Variants in C4orf17 observed in about 807,000 individuals in gnomAD.
C4orf17 encodes chromosome 4 open reading frame 17.
Under a neutral mutation model 32.0 loss-of-function variants are expected in C4orf17, and 25 were observed. The ratio of observed to expected loss-of-function variants is 0.78; its 90% CI spans 0.57 to 1.09. C4orf17 has a LOEUF of 1.09. Ranked by LOEUF, C4orf17 falls within the 50% of genes least tolerant of loss-of-function variation. The pLI is 0.00. For synonymous variants in C4orf17, 149 were observed against 145.8 expected (o/e 1.02, Z -0.16); for missense variants, 420 against 420.0 (o/e 1.00, Z 0.00).
At chr4:99,513,273 G>A (rs755226784) in intron 2 of C4orf17, 65 bp downstream of exon 2, 26 of 1,590,402 alleles carry the variant, frequency 1.6e-5, no homozygotes, top group Non-Finnish European at 2.1e-5. Flanking sequence ...TGATAATTCT[G>A]GCAGGTAAAC....
intron 3 of C4orf17, among the ~76,000 whole-genome samples, chr4:99,523,931 A>G (rs1208598186): frequency 1.3e-5 from 2 of 151,824 alleles, no homozygotes; most frequent in Non-Finnish European, 2.9e-5. Context: ...TGACATTTAT[A>G]TGGACAGAAA....
rs766907288 is a variant in C4orf17, at chr4:99,542,098, C to A, written c.1069C>A (p.His357Asn). 1.2e-6 allele frequency: 2 copies of A among 1,613,568 alleles called. No individual in the cohort carries two copies. The highest frequency in any genetic ancestry group is 2.2e-5 in the South Asian group (2 of 90,994). Residue 357 changes from histidine to asparagine, a missense_variant, in exon 9 of 9, where the codon CAC (histidine) becomes AAC (asparagine). Coordinates refer to ENST00000326581, the MANE Select transcript of C4orf17 (RefSeq NM_032149.3). Reference sequence around the variant, plus strand: ...CCAAAGAGCATGTTATCCTTCAACACACCGGAGGTAGAAGTTCTAGACTGG... The same window carrying A: ...CCAAAGAGCATGTTATCCTTCAACAAACCGGAGGTAGAAGTTCTAGACTGG... ...CPQRACYPST[H>N]RR is the part of the protein sequence containing the mutation.
intron 2 of C4orf17, among the ~76,000 whole-genome samples, chr4:99,517,223 G>A (rs1723203003): frequency 6.6e-6 from 1 of 152,076 alleles, no homozygotes; most frequent in African/African-American, 2.4e-5. Flanking sequence ...CCAGCACACG[G>A]CAGGTCTCAT....
chr4:99,530,862 T>C (rs938498531), intron 5 of C4orf17, among the ~76,000 whole-genome samples: 6 of 152,144 alleles, frequency 3.9e-5, no homozygotes, highest in Non-Finnish European at 8.8e-5. Flanking sequence ...TATTTCCTGA[T>C]GATTCTGGCT....
rs1442980804 is a variant in C4orf17 at position 99,522,514 on chromosome 4, C to A, written c.142C>A (p.Pro48Thr). ...TACTCACCTAGGCTTGAATAACATT[C>A]CAATCTGTACTGTGAATGATGATGA... ...VCHIKGLNNIPICTVNDDENA... is the reference protein window; with the variant it reads ...VCHIKGLNNITICTVNDDENA... The change falls in exon 3 of 9, where the codon CCA becomes ACA. Residue 48 changes from proline to threonine, a missense_variant. Physicochemically the swap from Pro to Thr is conservative, Grantham distance 38 (BLOSUM62 -1). Coordinates refer to ENST00000326581, the MANE Select transcript of C4orf17 (RefSeq NM_032149.3). 1.2e-6 allele frequency: 2 copies of A among 1,613,320 alleles called. No homozygotes were observed. The highest frequency in any genetic ancestry group is 1.7e-5 in the Admixed American group (1 of 59,990).
intron 2 of C4orf17, among the ~76,000 whole-genome samples, chr4:99,520,985 C>G (rs150235410): frequency 6.6e-6 from 1 of 152,220 alleles, no homozygotes; most frequent in East Asian, 1.9e-4. Context: ...AATGTAAAAT[C>G]ATTTTAACAT....
Position 99,512,999 on chromosome 4 carries a change from C to T in C4orf17, c.-83C>T. ...ATTTTGTGATTTCAGGGTCTGAGCA[C>T]ATCTGGAAGTGAGGTCAATCAAGTT... On this transcript the variant is annotated 5_prime_UTR_variant, in exon 2 of 9. Coordinates refer to ENST00000326581, the MANE Select transcript of C4orf17 (RefSeq NM_032149.3). 2 of 1,458,440 alleles carry T rather than the reference C, an allele frequency of 1.4e-6. No homozygotes were observed. Among genetic ancestry groups the T allele is most frequent in the South Asian group, 2.4e-5 (2 of 84,370 alleles). The allele number at this position is 1,458,440 out of a possible 1,614,324, so 90.3% of individuals were successfully genotyped here.
At chr4:99,525,095 C>T (rs988346456) in intron 4 of C4orf17, among the ~76,000 whole-genome samples, 16 of 152,116 alleles carry the variant, frequency 1.1e-4, no homozygotes, top group Non-Finnish European at 2.9e-5. Context: ...TGTTGAGGGA[C>T]ATTTAGGTCC....
chr4:99,537,866 A>ATC, intron 6 of C4orf17, 116 bp downstream of exon 6: 1 of 770,146 alleles, frequency 1.3e-6, no homozygotes, highest in Non-Finnish European at 2.2e-6. Context: ...TTGCAATATT[A>ATC]TTTCCGCAAT....
intron 5 of C4orf17, among the ~76,000 whole-genome samples, chr4:99,535,342 G>T (rs1353909011): frequency 6.6e-6 from 1 of 151,846 alleles, no homozygotes; most frequent in Admixed American, 6.6e-5. Context: ...TTCCAACTTG[G>T]TTCCATTCTC....
intron 2 of C4orf17, among the ~76,000 whole-genome samples, chr4:99,518,507 A>T (rs1578187392): frequency 5.4e-5 from 4 of 73,996 alleles, no homozygotes; most frequent in African/African-American, 3.4e-4. Context: ...AAAAAAAAAA[A>T]AAAAAAAAAA....
At chr4:99,519,646 C>G (rs906002652) in intron 2 of C4orf17, among the ~76,000 whole-genome samples, 2 of 152,156 alleles carry the variant, frequency 1.3e-5, no homozygotes, top group Non-Finnish European at 2.9e-5. Flanking sequence ...CATCAGTAGT[C>G]TCACAGTTCT....
At chr4:99,512,878 G>A (rs982648786) in intron 1 of C4orf17, 111 bp from the exon 2 acceptor site, 18 of 556,754 alleles carry the variant, frequency 3.2e-5, no homozygotes, top group Admixed American at 6.3e-5. Flanking sequence ...GCCTCACATT[G>A]CTGTAACATG....
At chr4:99,511,572 A>C (rs1218386477) in intron 1 of C4orf17, among the ~76,000 whole-genome samples, 1 of 152,162 alleles carries the variant, frequency 6.6e-6, no homozygotes, top group Admixed American at 6.5e-5. Context: ...AAATCTAGGC[A>C]ATAAAACAAT....
chr4:99,518,650 A>G (rs535001747), intron 2 of C4orf17, among the ~76,000 whole-genome samples: 9 of 148,126 alleles, frequency 6.1e-5, no homozygotes, highest in Non-Finnish European at 1.2e-4. Flanking sequence ...CTTCCCATGC[A>G]TTTAGGATAA....
chr4:99,532,542 T>A (rs1723493088), intron 5 of C4orf17, among the ~76,000 whole-genome samples: 1 of 151,982 alleles, frequency 6.6e-6, no homozygotes, highest in African/African-American at 2.4e-5. Flanking sequence ...CACTGGAAAC[T>A]CCAAAATGTA....
intron 5 of C4orf17, among the ~76,000 whole-genome samples, chr4:99,531,328 A>G (rs1373909201): frequency 6.6e-6 from 1 of 152,150 alleles, no homozygotes; most frequent in Non-Finnish European, 1.5e-5. Flanking sequence ...TTGGATATTG[A>G]ATAAATAAAT....
intron 4 of C4orf17, 109 bp downstream of exon 4, chr4:99,524,694 A>G (rs1723357701): frequency 4.5e-6 from 3 of 663,448 alleles, no homozygotes; most frequent in Non-Finnish European, 7.9e-6. Context: ...ATATTTTTAC[A>G]GCTTTAGTAA....
intron 3 of C4orf17, among the ~76,000 whole-genome samples, chr4:99,524,209 C>G (rs1333235757): frequency 6.6e-6 from 1 of 152,170 alleles, no homozygotes; most frequent in South Asian, 2.1e-4. Context: ...TCTCGATCTC[C>G]TGACCTCGTG....
Sources: allele counts gnomAD v4.1 joint callset (sites outside exome capture counted in the v4.1 genomes callset), GRCh38; gene constraint gnomAD v4.1.1; transcripts MANE v1.5; gene names NCBI Gene and HGNC (gene_info 2026-07-23, HGNC 2026-07-21).